MARF1: variants seen among roughly 807,000 people sequenced by gnomAD.
MARF1 encodes the protein limkain-b1.
A neutral mutation model predicts 168.2 loss-of-function variants in MARF1; 24 were observed. The ratio of observed to expected loss-of-function variants is 0.14; its 90% CI spans 0.10 to 0.20. The LOEUF is 0.20. Among genes scored for constraint, MARF1 ranks in the 10% least tolerant of loss-of-function variants. The pLI, the probability that MARF1 is intolerant of heterozygous loss-of-function variation, is 1.00. For synonymous variants in MARF1, 868 were observed against 822.4 expected, an observed-to-expected ratio of 1.06 and a Z score of -0.95; for missense variants, 1,744 against 2,143.6, an observed-to-expected ratio of 0.81 and a Z score of 3.68.
intron 16 of MARF1, among the ~76,000 whole-genome samples, chr16:15,614,296 C>G (rs1436881504): frequency 6.7e-6 from 1 of 150,154 alleles, no homozygotes; most frequent in Non-Finnish European, 1.5e-5. Flanking sequence ...TCCTTGCTAA[C>G]ACGGTGAAAC....
intron 8 of MARF1, 52 bp from the exon 9 acceptor site, chr16:15,625,225 T>C (rs1348986831): frequency 1.3e-6 from 2 of 1,592,924 alleles, no homozygotes; most frequent in Non-Finnish European, 1.7e-6. Context: ...CCAAGATGTG[T>C]TAGATCCTTT....
chr16:15,606,160 C>G (rs954780475), intron 21 of MARF1: 1 of 152,458 alleles, frequency 6.6e-6, no homozygotes, highest in Non-Finnish European at 1.5e-5. Flanking sequence ...AGACTCTACC[C>G]GCTCAACTCC....
chr16:15,621,807 T>C lies in MARF1; in HGVS notation c.2565A>G (p.Arg855=). ...DAIGAVNSLH[R]YKIGSKKILV... is the part of the protein sequence containing the mutation. The stretch of plus-strand genomic sequence containing the variant: ...GGATCTTTTTGCTGCCAATTTTGTA[T>C]CTGTGGAGGCTATTCACTGCACCGA... The change falls in exon 12 of 27, where the codon AGA becomes AGG. Residue 855 remains arginine, a synonymous_variant. Transcript: ENST00000396368. 1 of 1,614,168 alleles carries C rather than the reference T, an allele frequency of 6.2e-7. No homozygotes were observed. The highest frequency in any genetic ancestry group is 8.5e-7 in the Non-Finnish European group (1 of 1,180,032).
chr16:15,599,089 G>T, intron 25 of MARF1, 65 bp from the exon 26 acceptor site: 1 of 1,451,070 alleles, frequency 6.9e-7, no homozygotes, highest in South Asian at 1.2e-5. Flanking sequence ...ACACACCCTG[G>T]GCTCACACCT....
At position 15,617,548 on chromosome 16, in the gene MARF1, GAAGA is replaced by G. The variant is rs1349502496; in HGVS notation, c.2721-17_2721-14del. On this transcript the variant is annotated splice_polypyrimidine_tract_variant and intron_variant, in intron 13 of 26. Coordinates refer to ENST00000396368, the MANE Select transcript of MARF1 (RefSeq NM_014647.4). ...CTTGTGTCCAAACCTAAAAGCAAGA[GAAGA>G]GAGACGCTGACTTAGAAGGTTTTTC... The G allele has an allele frequency of 6.4e-7, 1 of 1,558,262 alleles. No individual in the cohort carries two copies. The highest frequency in any genetic ancestry group is 8.8e-7 in the Non-Finnish European group (1 of 1,137,320).
At chr16:15,624,529 C>A (rs571862721) in intron 10 of MARF1, among the ~76,000 whole-genome samples, 1 of 152,212 alleles carries the variant, frequency 6.6e-6, no homozygotes, top group Non-Finnish European at 1.5e-5. Flanking sequence ...GACTCTCCAA[C>A]AGGCTTCTCT....
At chr16:15,634,562 G>A (rs541078251) in intron 4 of MARF1, among the ~76,000 whole-genome samples, 195 bp downstream of exon 4, 26 of 151,756 alleles carry the variant, frequency 1.7e-4, no homozygotes, top group African/African-American at 4.1e-4. Flanking sequence ...GTATAGCCTC[G>A]GCCCAACATA....
chr16:15,638,257 TAGAA>T (rs899207269), intron 2 of MARF1, among the ~76,000 whole-genome samples: 24 of 151,662 alleles, frequency 1.6e-4, no homozygotes, highest in African/African-American at 5.3e-4. Flanking sequence ...AAATAAGAAA[TAGAA>T]AGGTGGTAAC....
intron 2 of MARF1, among the ~76,000 whole-genome samples, chr16:15,638,020 G>C (rs1282069143): frequency 6.6e-6 from 1 of 151,706 alleles, no homozygotes; most frequent in African/African-American, 2.4e-5. Context: ...ACAAAAATTA[G>C]CCAGGCATAA....
rs1320478767 is a variant in MARF1 at position 15,625,166 on chromosome 16, C to T, written c.1961G>A (p.Cys654Tyr). ...ATGACCAGTTTTTGACTCCATGCGG[C>T]ACAGCTCCTTCAAAGACACAAGCAC... is the stretch of plus-strand genomic sequence containing the variant. ...NTNVKSLQEL[C>Y]RMESKTGHRN... is the part of the protein sequence containing the mutation. The change falls in exon 9 of 27, where the codon TGC becomes TAC. Residue 654 changes from cysteine (C) to tyrosine (Y), a missense_variant. Cys to Tyr is a radical substitution (Grantham distance 194, BLOSUM62 -2). This residue lies in a region of MARF1 where 270 missense variants were observed against 260.6 expected (regional missense o/e 1.04). Transcript: ENST00000396368. 3 of 1,613,970 alleles carry T rather than the reference C, an allele frequency of 1.9e-6. No individual in the cohort carries two copies. The highest frequency in any genetic ancestry group is 2.5e-6 in the Non-Finnish European group (3 of 1,179,940).
chr16:15,618,885 ATTTCCAGTTT>A, intron 13 of MARF1, among the ~76,000 whole-genome samples: 1 of 152,236 alleles, frequency 6.6e-6, no homozygotes, highest in African/African-American at 2.4e-5. Flanking sequence ...TTATTTCCCT[ATTTCCAGTTT>A]AACTGTGCAA....
At chr16:15,609,461 A>G in intron 20 of MARF1, 62 bp downstream of exon 20, 1 of 1,408,486 alleles carries the variant, frequency 7.1e-7, no homozygotes, top group Non-Finnish European at 9.9e-7. Flanking sequence ...TGGAACGTGA[A>G]AAAGTATTTC....
chr16:15,639,916 G>A (rs2035840026), intron 1 of MARF1, among the ~76,000 whole-genome samples: 2 of 152,150 alleles, frequency 1.3e-5, no homozygotes, highest in Admixed American at 1.3e-4. Context: ...AACTCTCCAT[G>A]AGTCTTGTTT....
chr16:15,634,290 T>C (rs1457874382), intron 4 of MARF1, among the ~76,000 whole-genome samples: 10 of 152,246 alleles, frequency 6.6e-5, no homozygotes, highest in Non-Finnish European at 5.9e-5. Context: ...GATTTTGAGT[T>C]AACGCTGCAT....
intron 16 of MARF1, among the ~76,000 whole-genome samples, chr16:15,615,095 TA>T (rs1227759495): frequency 2.0e-5 from 3 of 152,164 alleles, no homozygotes; most frequent in Non-Finnish European, 2.9e-5. Context: ...AAACTATTTT[TA>T]AAAGGTCAGT....
rs2034489160 is a variant in MARF1, at chr16:15,621,925, A to C, written c.2461-14T>G. The C allele has an allele frequency of 1.2e-6, 2 of 1,610,354 alleles. No individual in the cohort carries two copies. Among genetic ancestry groups the C allele is most frequent in the Admixed American group, 3.4e-5 (2 of 59,152 alleles). ...AACACTCTTCACCTACAACAGGAAA[A>C]GCGAAAACTAAACGCTATGTCCGCC... is the stretch of plus-strand genomic sequence containing the variant. On this transcript the variant is annotated splice_polypyrimidine_tract_variant and intron_variant, in intron 11 of 26. Coordinates refer to ENST00000396368, the MANE Select transcript of MARF1 (RefSeq NM_014647.4).
chr16:15,597,669 C>T (rs914374907), intron 26 of MARF1, among the ~76,000 whole-genome samples: 1 of 152,212 alleles, frequency 6.6e-6, no homozygotes, highest in Non-Finnish European at 1.5e-5. Flanking sequence ...GCAGAGCCAG[C>T]TCCCTGCCTA....
intron 17 of MARF1, 44 bp downstream of exon 17, chr16:15,612,513 G>C: frequency 6.6e-7 from 1 of 1,524,706 alleles, no homozygotes. Context: ...AGCCATGGAG[G>C]AACATTCCTG....
chr16:15,620,101 G>T (rs2034345893), intron 13 of MARF1, among the ~76,000 whole-genome samples: 1 of 152,118 alleles, frequency 6.6e-6, no homozygotes, highest in Non-Finnish European at 1.5e-5. Flanking sequence ...TGAGGCAGAG[G>T]TTGCAGTGAG....
Sources: gnomAD v4.1 joint callset for allele counts (sites outside exome capture counted in the v4.1 genomes callset) on GRCh38, gnomAD v4.1.1 for gene constraint, gnomAD v4.1.1 regional missense constraint, MANE v1.5 for transcripts, NCBI Gene and HGNC (gene_info 2026-07-23, HGNC 2026-07-21) for gene names.